The following ROBO1 variants were observed in gnomAD, a reference collection of about 807,000 sequenced individuals.
ROBO1 encodes roundabout homolog 1.
In ROBO1, 149 loss-of-function variants were observed where a neutral mutation model predicts 195.9. The observed-to-expected ratio is 0.76, with a 90% confidence interval of 0.67 to 0.87. ROBO1 has a LOEUF of 0.87. Ranked by LOEUF, ROBO1 falls within the 40% of genes least tolerant of loss-of-function variation. ROBO1 has a pLI of 0.00. For missense variants in ROBO1, 1,933 were observed against 2,068.3 expected (o/e 0.93, Z 1.27); for synonymous variants, 816 against 733.2 (o/e 1.11, Z -1.82).
At chr3:78,838,827 T>C (rs2032956708) in intron 4 of ROBO1, among the ~76,000 whole-genome samples, 2 of 152,124 alleles carry the variant, frequency 1.3e-5, no homozygotes, top group Admixed American at 1.3e-4. Flanking sequence ...CAAAAAGATA[T>C]GGCCAAAAAG....
At chr3:79,203,432 C>T (rs1162442554) in intron 2 of ROBO1, among the ~76,000 whole-genome samples, 1 of 152,176 alleles carries the variant, frequency 6.6e-6, no homozygotes, top group Non-Finnish European at 1.5e-5. Flanking sequence ...ACTTTCCTTT[C>T]TGTTAAACAG....
chr3:79,433,606 C>G (rs187717137), intron 2 of ROBO1, among the ~76,000 whole-genome samples: 2 of 152,118 alleles, frequency 1.3e-5, no homozygotes, highest in South Asian at 4.2e-4. Context: ...GAATCAGTAT[C>G]GTGAAATTGG....
At chr3:79,537,210 T>C (rs1391974325) in intron 2 of ROBO1, among the ~76,000 whole-genome samples, 1 of 152,070 alleles carries the variant, frequency 6.6e-6, no homozygotes, top group Non-Finnish European at 1.5e-5. Context: ...GTGGTATAGC[T>C]GGAACTTGAA....
chr3:79,154,754 G>A lies in ROBO1; in HGVS notation c.89-29215C>T, dbSNP rs2080830065. ...AAATAACATACTACTTATCAATCCT[G>A]TAAGGAGGCTGAATAACATTTAGAA... is the stretch of plus-strand genomic sequence containing the variant. On this transcript the variant is annotated intron_variant, in intron 2 of 30. Coordinates refer to ENST00000464233, the MANE Select transcript of ROBO1 (RefSeq NM_002941.4). 4.0e-5 allele frequency among the ~76,000 whole-genome samples: 6 copies of A among 151,836 alleles called. No homozygotes were observed. The South Asian group carries it at 1.2e-3, about 31-fold the overall frequency.
intron 10 of ROBO1, among the ~76,000 whole-genome samples, chr3:78,675,042 A>G (rs1328362515): frequency 6.6e-6 from 1 of 152,120 alleles, no homozygotes; most frequent in Non-Finnish European, 1.5e-5. Flanking sequence ...GTACATGTAT[A>G]ATACGTATCA....
At chr3:78,926,958 G>A (rs1049627498) in intron 4 of ROBO1, among the ~76,000 whole-genome samples, 2 of 151,990 alleles carry the variant, frequency 1.3e-5, no homozygotes, top group Non-Finnish European at 2.9e-5. Flanking sequence ...ATAGCTGGGT[G>A]CCATGAAATT....
chr3:78,862,074 G>A (rs2034882687), intron 4 of ROBO1, among the ~76,000 whole-genome samples: 1 of 152,140 alleles, frequency 6.6e-6, no homozygotes, highest in Admixed American at 6.5e-5. Context: ...ACTTAAGATA[G>A]GAAGAGTGGG....
chr3:79,228,166 A>T (rs970919417), intron 2 of ROBO1, among the ~76,000 whole-genome samples: 7 of 152,170 alleles, frequency 4.6e-5, no homozygotes, highest in Non-Finnish European at 8.8e-5. Flanking sequence ...GTAATAAAGG[A>T]CAAAGAAGGA....
At chr3:79,257,675 T>C (rs1037639530) in intron 2 of ROBO1, among the ~76,000 whole-genome samples, 1 of 152,108 alleles carries the variant, frequency 6.6e-6, no homozygotes, top group Non-Finnish European at 1.5e-5. Context: ...TTTCATTTTA[T>C]AAAAAAGGAC....
At chr3:78,867,145 A>G (rs2035232313) in intron 4 of ROBO1, among the ~76,000 whole-genome samples, 3 of 152,190 alleles carry the variant, frequency 2.0e-5, no homozygotes, top group African/African-American at 7.2e-5. Context: ...CCTTAACTTG[A>G]ATATTTGAAG....
chr3:79,767,633 CAG>C (rs2107545497), intron 1 of ROBO1, 117 bp downstream of exon 1: 1 of 152,344 alleles, frequency 6.6e-6, no homozygotes, highest in South Asian at 2.1e-4. Context: ...GGATAAACTG[CAG>C]AGTCCTCTCG....
chr3:79,601,627 C>T (rs980871224), intron 1 of ROBO1, among the ~76,000 whole-genome samples: 12 of 151,860 alleles, frequency 7.9e-5, no homozygotes, highest in African/African-American at 2.9e-4. Context: ...AGATGGAGTA[C>T]AAACATAAAA....
intron 3 of ROBO1, among the ~76,000 whole-genome samples, chr3:79,048,136 C>A (rs978793959): frequency 6.6e-6 from 1 of 152,096 alleles, no homozygotes; most frequent in African/African-American, 2.4e-5. Context: ...GTTTTTCACA[C>A]TTTCAGTATT....
chr3:78,709,931 T>A (rs940115828), intron 8 of ROBO1, among the ~76,000 whole-genome samples: 1 of 152,234 alleles, frequency 6.6e-6, no homozygotes, highest in Non-Finnish European at 1.5e-5. Context: ...ATCTTTTTGA[T>A]TCATTTTTCT....
intron 3 of ROBO1, among the ~76,000 whole-genome samples, chr3:78,987,047 A>C (rs893193364): frequency 1.3e-5 from 2 of 151,948 alleles, no homozygotes; most frequent in Non-Finnish European, 2.9e-5. Flanking sequence ...GCAATAAAAC[A>C]CAGCAGTGTT....
chr3:79,028,721 A>T (rs1559605417), intron 3 of ROBO1, among the ~76,000 whole-genome samples: 1 of 152,134 alleles, frequency 6.6e-6, no homozygotes, highest in East Asian at 1.9e-4. Flanking sequence ...AAGATCACAG[A>T]TAACTATGAA....
chr3:79,565,436 C>G (rs974783821), intron 2 of ROBO1, among the ~76,000 whole-genome samples: 2 of 151,820 alleles, frequency 1.3e-5, no homozygotes, highest in African/African-American at 4.8e-5. Flanking sequence ...ATTAAATAAT[C>G]AGTAACAGCT....
chr3:79,077,533 AATTGAAATGCACAT>A (rs2079195439), intron 3 of ROBO1, among the ~76,000 whole-genome samples: 1 of 151,918 alleles, frequency 6.6e-6, no homozygotes, highest in Non-Finnish European at 1.5e-5. Flanking sequence ...TAATTTTAGT[AATTGAAATGCACAT>A]ATTTTGTCAC....
intron 2 of ROBO1, among the ~76,000 whole-genome samples, chr3:79,187,455 T>A (rs2081460727): frequency 6.6e-6 from 1 of 152,080 alleles, no homozygotes; most frequent in African/African-American, 2.4e-5. Context: ...CTCTAAAGCA[T>A]GATCATTTCT....
Sources: allele counts gnomAD v4.1 joint callset (sites outside exome capture counted in the v4.1 genomes callset), GRCh38; gene constraint gnomAD v4.1.1; transcripts MANE v1.5; gene names NCBI Gene and HGNC (gene_info 2026-07-23, HGNC 2026-07-21).